Variants in ANKRD30A observed in about 807,000 individuals in gnomAD.
ANKRD30A encodes the protein ankyrin repeat domain 30A.
ANKRD30A carries 170 observed loss-of-function variants against 166.3 expected under a neutral mutation model. The ratio of observed to expected loss-of-function variants is 1.02; its 90% confidence interval spans 0.90 to 1.16. The LOEUF (loss-of-function observed/expected upper bound fraction) is 1.16. Ranked by LOEUF, ANKRD30A falls within the 50% of genes most tolerant of loss-of-function variation. The pLI is 0.00. For synonymous variants in ANKRD30A, 564 were observed against 508.9 expected, an observed-to-expected ratio of 1.11 and a Z score of -1.46; for missense variants, 1,630 against 1,518.0, an observed-to-expected ratio of 1.07 and a Z score of -1.23.
rs551390407 is a variant in ANKRD30A, at chr10:37,161,309, G to C, written c.1901-1340G>C. On this transcript the variant is annotated intron_variant, in intron 15 of 35. Coordinates refer to ENST00000361713, the MANE Select transcript of ANKRD30A (RefSeq NM_052997.3). The stretch of plus-strand genomic sequence containing the variant: ...TTATTTCTGGGTATGCTTTTAGCCA[G>C]AGAAGAAGAAGAAAAAGATAAACAG... Among the ~76,000 whole-genome samples the C allele has an allele frequency of 2.6e-5, 4 of 152,216 alleles. No individual in the cohort carries two copies. In the East Asian group the frequency reaches 7.7e-4, roughly 29 times the overall value.
chr10:37,160,792 T>C (rs111964335), intron 15 of ANKRD30A, among the ~76,000 whole-genome samples: 3,282 of 152,152 alleles, frequency 0.022, 107 homozygotes, highest in African/African-American at 0.073. Flanking sequence ...CTCATATAAA[T>C]TGTGAAAATT....
At position 37,199,687 on chromosome 10, in the gene ANKRD30A, A is replaced by G. The variant is rs1453931140; in HGVS notation, c.2717-40A>G. On this transcript the variant is annotated intron_variant, in intron 29 of 35. Transcript: ENST00000361713. ...TATGTTTTTAAAATGTATAGTAGAG[A>G]AATGTTCTCATGAATGTATCTGTGA... 2.3e-6 allele frequency: 3 copies of G among 1,331,456 alleles called. No individual in the cohort carries two copies. In the Admixed American group the frequency reaches 5.4e-5, roughly 24 times the overall value. 82.5% of individuals were successfully genotyped at this position (1,331,456 alleles called of 1,614,324 possible).
chr10:37,144,963 T>C, intron 7 of ANKRD30A, 32 bp from the exon 8 acceptor site: 1 of 1,454,580 alleles, frequency 6.9e-7, no homozygotes, highest in Non-Finnish European at 9.5e-7. Context: ...AGAAATGTTA[T>C]CATGAATATA....
the ANKRD30A span, among the ~76,000 whole-genome samples, chr10:37,243,903 C>T: frequency 1.3e-5 from 2 of 151,534 alleles, no homozygotes; most frequent in African/African-American, 2.4e-5. Flanking sequence ...AAGCAATCAA[C>T]GTCAGTAGAT....
chr10:37,252,371 A>G, the ANKRD30A span, among the ~76,000 whole-genome samples: 1 of 152,226 alleles, frequency 6.6e-6, no homozygotes, highest in African/African-American at 2.4e-5. Context: ...CCACTTTTAA[A>G]ATAAATAATG....
chr10:37,126,091 G>A, intron 1 of ANKRD30A, 83 bp downstream of exon 1: 1 of 1,474,718 alleles, frequency 6.8e-7, no homozygotes, highest in South Asian at 1.1e-5. Context: ...GGGGCTGGGG[G>A]GCCTGGGGAA....
chr10:37,244,904 C>T, the ANKRD30A span, among the ~76,000 whole-genome samples: 2 of 152,194 alleles, frequency 1.3e-5, no homozygotes, highest in African/African-American at 4.8e-5. Context: ...CAACTCCTCA[C>T]TCTGGACAAC....
chr10:37,229,300 G>T (rs1222329380), intron 34 of ANKRD30A, among the ~76,000 whole-genome samples: 2 of 151,850 alleles, frequency 1.3e-5, no homozygotes, highest in East Asian at 1.9e-4. Context: ...TTCATTAGCA[G>T]TAAGTCACTA....
chr10:37,214,260 A>T (rs978287376), intron 31 of ANKRD30A, among the ~76,000 whole-genome samples: 25 of 151,548 alleles, frequency 1.6e-4, no homozygotes, highest in Non-Finnish European at 1.8e-4. Context: ...AGTGTGGTAT[A>T]TGTTGTTTCA....
At chr10:37,203,150 C>T (rs1450608277) in intron 31 of ANKRD30A, among the ~76,000 whole-genome samples, 1 of 152,106 alleles carries the variant, frequency 6.6e-6, no homozygotes, top group Non-Finnish European at 1.5e-5. Flanking sequence ...CCAGCATCAT[C>T]CTGATACCAA....
chr10:37,228,748 C>T lies in ANKRD30A; in HGVS notation c.4186-2713C>T, dbSNP rs973135927. 2.0e-5 allele frequency among the ~76,000 whole-genome samples: 3 copies of T among 152,068 alleles called. No individual in the cohort carries two copies. In the East Asian group the frequency reaches 5.8e-4, roughly 30 times the overall value. Reference sequence around the variant, plus strand: ...ATGTCTGTCTGCTACTTTTCTACTGCTTCTCATTAGCATTGTTTGTCATGA... The same window carrying T: ...ATGTCTGTCTGCTACTTTTCTACTGTTTCTCATTAGCATTGTTTGTCATGA... On this transcript the variant is annotated intron_variant, in intron 34 of 35. Coordinates refer to ENST00000361713, the MANE Select transcript of ANKRD30A (RefSeq NM_052997.3).
intron 31 of ANKRD30A, 102 bp from the exon 32 acceptor site, chr10:37,216,079 T>A (rs1842590905): frequency 2.8e-6 from 2 of 706,976 alleles, no homozygotes; most frequent in Admixed American, 3.4e-5. Context: ...TGGTAGGCAA[T>A]CAATATATAT....
chr10:37,217,330 T>A (rs1383427887), intron 32 of ANKRD30A, among the ~76,000 whole-genome samples: 2 of 151,054 alleles, frequency 1.3e-5, no homozygotes, highest in African/African-American at 4.8e-5. Flanking sequence ...TCAGTCACTT[T>A]AATCAGTTAA....
intron 25 of ANKRD30A, among the ~76,000 whole-genome samples, chr10:37,189,858 G>C (rs2490111): frequency 6.7e-6 from 1 of 150,070 alleles, no homozygotes; most frequent in African/African-American, 2.5e-5. Context: ...AAGACAGAGC[G>C]TACAGAGAGT....
In ANKRD30A at chr10:37,142,254, C is replaced by G. The variant is rs1365670590; in HGVS notation, c.1357C>G (p.Pro453Ala). The G allele has an allele frequency of 5.0e-6, 8 of 1,599,054 alleles. No individual in the cohort carries two copies. Among genetic ancestry groups the G allele is most frequent in the Non-Finnish European group, 6.8e-6 (8 of 1,176,288 alleles). ...AGGAAGATCTAAGATGATTGCATGT[C>G]CTACAAAAGAATCATCTACAAAAGC... The part of the protein sequence containing the change: ...EKGRSKMIAC[P>A]TKESSTKASA... Residue 453 changes from proline (P) to alanine (A), a missense_variant, in exon 7 of 36, where the codon CCT becomes GCT. By Grantham distance (27) the Pro-to-Ala change is conservative (BLOSUM62 -1). Coordinates refer to ENST00000361713, the MANE Select transcript of ANKRD30A (RefSeq NM_052997.3).
At chr10:37,205,201 A>C (rs897586359) in intron 31 of ANKRD30A, among the ~76,000 whole-genome samples, 3 of 152,190 alleles carry the variant, frequency 2.0e-5, no homozygotes, top group Non-Finnish European at 2.9e-5. Context: ...AACTAACCCA[A>C]ATATACATCA....
chr10:37,178,632 G>A, intron 24 of ANKRD30A: 9 of 950,498 alleles, frequency 9.5e-6, no homozygotes, highest in Non-Finnish European at 1.1e-5. Flanking sequence ...TTTTTAGTCA[G>A]GGGAGAAGAA....
the ANKRD30A span, among the ~76,000 whole-genome samples, chr10:37,238,136 T>C: frequency 2.0e-5 from 3 of 152,048 alleles, no homozygotes; most frequent in Admixed American, 2.0e-4. Context: ...TTCTTCCCCA[T>C]GTTTTGGATT....
the ANKRD30A span, among the ~76,000 whole-genome samples, chr10:37,249,439 C>G: frequency 6.6e-6 from 1 of 151,910 alleles, no homozygotes; most frequent in Non-Finnish European, 1.5e-5. Context: ...GCCTGGAAAC[C>G]TCAGGCACTT....
Sources: allele counts gnomAD v4.1 joint callset (sites outside exome capture counted in the v4.1 genomes callset), GRCh38; gene constraint gnomAD v4.1.1; transcripts MANE v1.5; gene names NCBI Gene and HGNC (gene_info 2026-07-23, HGNC 2026-07-21).